IFT57: variants seen among roughly 807,000 people sequenced by gnomAD.
IFT57 encodes intraflagellar transport protein 57 homolog.
A neutral mutation model predicts 56.8 loss-of-function variants in IFT57; 59 were observed. That is an observed-to-expected ratio of 1.04 (90% CI 0.84 to 1.29). The LOEUF is 1.29. IFT57 is among the 50% of genes most tolerant of loss of function. IFT57 has a pLI of 0.00. For synonymous variants in IFT57, 209 were observed against 186.1 expected (o/e 1.12, Z -1.00); for missense variants, 470 against 522.1 (o/e 0.90, Z 0.97).
chr3:108,193,588 T>C (rs13323116), intron 5 of IFT57, among the ~76,000 whole-genome samples: 14,652 of 152,186 alleles, frequency 0.096, 765 homozygotes, highest in Middle Eastern at 0.12. Context: ...TATGGAAACA[T>C]TGTATTATTC....
In IFT57 at chr3:108,213,930, C is replaced by T. The variant is rs1159765451; in HGVS notation, c.585+1G>A. 1.3e-6 allele frequency: 2 copies of T among 1,587,564 alleles called. No homozygotes were observed. Among genetic ancestry groups the T allele is most frequent in the Non-Finnish European group, 1.7e-6 (2 of 1,156,738 alleles). ...AACAGAAAGTTCAGCTACACACATA[C>T]CACAAATTCTTCATCCACTTTATTT... On this transcript the variant is annotated splice_donor_variant, in intron 4 of 10. Coordinates refer to ENST00000264538, the MANE Select transcript of IFT57 (RefSeq NM_018010.4). LOFTEE classifies it high-confidence loss of function.
intron 3 of IFT57, among the ~76,000 whole-genome samples, chr3:108,216,041 T>C (rs2108328040): frequency 6.6e-6 from 1 of 152,298 alleles, no homozygotes; most frequent in African/African-American, 2.4e-5. Flanking sequence ...AGAGGAAATG[T>C]GGAAGAAAAC....
At chr3:108,205,983 A>G (rs1284004624) in intron 5 of IFT57, among the ~76,000 whole-genome samples, 6 of 33,456 alleles carry the variant, frequency 1.8e-4, no homozygotes, top group Non-Finnish European at 7.5e-4. Context: ...TATATATAAT[A>G]TATAATATAT....
chr3:108,199,735 C>A (rs763512859), intron 5 of IFT57, among the ~76,000 whole-genome samples: 5 of 152,114 alleles, frequency 3.3e-5, no homozygotes, highest in African/African-American at 4.8e-5. Flanking sequence ...ATAATCCTCA[C>A]GAATAAAACA....
At chr3:108,186,270 G>A (rs1331569086) in intron 6 of IFT57, among the ~76,000 whole-genome samples, 1 of 146,940 alleles carries the variant, frequency 6.8e-6, no homozygotes, top group Non-Finnish European at 1.5e-5. Flanking sequence ...GACTTCACAG[G>A]ATTTATGACA....
At chr3:108,186,785 C>G (rs1310496554) in intron 6 of IFT57, among the ~76,000 whole-genome samples, 1 of 152,052 alleles carries the variant, frequency 6.6e-6, no homozygotes, top group Non-Finnish European at 1.5e-5. Context: ...CTCCTCTAGT[C>G]CCTCCTCCTT....
intron 5 of IFT57, among the ~76,000 whole-genome samples, chr3:108,195,450 C>T (rs981431673): frequency 5.9e-5 from 9 of 152,226 alleles, no homozygotes; most frequent in African/African-American, 2.2e-4. Context: ...ATCATATAAT[C>T]TAGCAATGCT....
chr3:108,194,467 T>C (rs893982212), intron 5 of IFT57, among the ~76,000 whole-genome samples: 6 of 138,880 alleles, frequency 4.3e-5, no homozygotes, highest in African/African-American at 1.5e-4. Flanking sequence ...AATGACATTC[T>C]TCACAGAAAT....
In IFT57 at chr3:108,206,601, G is replaced by A. The variant is rs9851670; in HGVS notation, c.654+27C>T. 1.1e-3 allele frequency: 1,194 copies of A among 1,085,220 alleles called. 12 individuals carry two copies. In the African/African-American group the frequency reaches 0.017, roughly 15 times the overall value. The allele number at this position is 1,085,220 out of a possible 1,614,324, so 67.2% of individuals were successfully genotyped here. On this transcript the variant is annotated intron_variant, in intron 5 of 10. Coordinates refer to ENST00000264538, the MANE Select transcript of IFT57 (RefSeq NM_018010.4). ...GAACATGTACATTGATTGCTTGTTG[G>A]TCCTGCATGTATCTGATGAAACTTA... is the stretch of plus-strand genomic sequence containing the variant.
chr3:108,167,820 T>C lies in IFT57; in HGVS notation c.822A>G (p.Gly274=), dbSNP rs1277936430. The C allele has an allele frequency of 1.3e-6, 2 of 1,591,468 alleles. No homozygotes were observed. The highest frequency in any genetic ancestry group is 1.7e-6 in the Non-Finnish European group (2 of 1,169,638). ...TGGTCTCCTTTAGAGCAGATTCAAT[T>C]CCACTTCTGTGCTGGTGCATTTGGT... ...HVDQMHQHRS[G]IESALKETKG... The change falls in exon 7 of 11, where the codon GGA becomes GGG. Residue 274 remains glycine (G), a synonymous_variant. Coordinates refer to ENST00000264538, the MANE Select transcript of IFT57 (RefSeq NM_018010.4).
rs2080387101 is a variant in IFT57 at position 108,218,640 on chromosome 3, T to C, written c.389A>G (p.Asp130Gly). The C allele has an allele frequency of 6.7e-7, 1 of 1,501,648 alleles. No individual in the cohort carries two copies. The highest frequency in any genetic ancestry group is 2.5e-5 in the East Asian group (1 of 39,582). 93.0% of individuals were successfully genotyped at this position (1,501,648 alleles called of 1,614,324 possible). ...SELRSFGRTA[D>G]FPPSKLKSGY... ...TGACTTTAATTTTGAAGGAGGAAAA[T>C]CTGCAGTTCTTCCCTGAAAAACAAA... The change falls in exon 3 of 11, where the codon GAT (aspartate) becomes GGT (glycine). Residue 130 changes from aspartate (D) to glycine (G), a missense_variant. Coordinates refer to ENST00000264538, the MANE Select transcript of IFT57 (RefSeq NM_018010.4).
At chr3:108,200,419 C>A (rs1403805618) in intron 5 of IFT57, among the ~76,000 whole-genome samples, 1 of 151,808 alleles carries the variant, frequency 6.6e-6, no homozygotes, top group African/African-American at 2.4e-5. Flanking sequence ...GACATATATT[C>A]AAAGCACTAA....
At chr3:108,213,339 C>T (rs957361551) in intron 4 of IFT57, among the ~76,000 whole-genome samples, 1 of 152,088 alleles carries the variant, frequency 6.6e-6, no homozygotes, top group Non-Finnish European at 1.5e-5. Flanking sequence ...CACAAGCACA[C>T]TTCCTAAAAT....
At chr3:108,219,619 A>G (rs201539862) in intron 1 of IFT57, 47 bp from the exon 2 acceptor site, 35 of 1,570,690 alleles carry the variant, frequency 2.2e-5, no homozygotes, top group Non-Finnish European at 2.9e-5. Flanking sequence ...AATAATGCAA[A>G]TAAGTCTATA....
chr3:108,168,529 C>A (rs2080075082), intron 6 of IFT57, among the ~76,000 whole-genome samples: 1 of 151,794 alleles, frequency 6.6e-6, no homozygotes, highest in Non-Finnish European at 1.5e-5. Flanking sequence ...GCAGAATGTG[C>A]AAGTTTGTTA....
At chr3:108,172,136 TGA>T (rs1341597613) in intron 6 of IFT57, among the ~76,000 whole-genome samples, 1 of 151,878 alleles carries the variant, frequency 6.6e-6, no homozygotes, top group Non-Finnish European at 1.5e-5. Flanking sequence ...TAGTGTACAC[TGA>T]TGTAAAACTC....
At chr3:108,176,559 G>A (rs1270022574) in intron 6 of IFT57, among the ~76,000 whole-genome samples, 3 of 151,858 alleles carry the variant, frequency 2.0e-5, no homozygotes, top group Admixed American at 6.6e-5. Context: ...TATCCTGGTC[G>A]TTTTGCTAAA....
chr3:108,179,837 T>C (rs376056016), intron 6 of IFT57, among the ~76,000 whole-genome samples: 14 of 152,144 alleles, frequency 9.2e-5, no homozygotes, highest in African/African-American at 2.9e-4. Flanking sequence ...AAGTCTTCTA[T>C]GGTACACTCT....
At chr3:108,206,334 A>T (rs2080314067) in intron 5 of IFT57, among the ~76,000 whole-genome samples, 1 of 151,700 alleles carries the variant, frequency 6.6e-6, no homozygotes, top group African/African-American at 2.4e-5. Flanking sequence ...CTTGAAATAG[A>T]ATATTTGATG....
Sources: gnomAD v4.1 joint callset for allele counts (sites outside exome capture counted in the v4.1 genomes callset) on GRCh38, gnomAD v4.1.1 for gene constraint, MANE v1.5 for transcripts, NCBI Gene and HGNC (gene_info 2026-07-23, HGNC 2026-07-21) for gene names.